NECAP2: variants seen among roughly 807,000 people sequenced by gnomAD.
NECAP2 encodes the protein adaptin ear-binding coat-associated protein 2.
In NECAP2, 38 loss-of-function variants were observed where a neutral mutation model predicts 37.8. That is an observed-to-expected ratio of 1.01 (90% confidence interval 0.78 to 1.32). NECAP2 has a LOEUF of 1.32. NECAP2 is among the 40% of genes most tolerant of loss of function. The probability of loss-of-function intolerance (pLI) is 0.00; values close to 1 mark genes in which losing one functional copy is unlikely to be tolerated. For synonymous variants in NECAP2, 121 were observed against 127.7 expected (o/e 0.95, Z 0.35); for missense variants, 316 against 334.5 (o/e 0.94, Z 0.43).
chr1:16,457,707 G>GGT (rs1174757173), intron 7 of NECAP2, among the ~76,000 whole-genome samples: 18 of 105,454 alleles, frequency 1.7e-4, no homozygotes, highest in African/African-American at 6.5e-4. Flanking sequence ...TAGTAATTCT[G>GGT]TTTTTTTTTT....
At position 16,443,728 on chromosome 1, in the gene NECAP2, G is replaced by A. The variant is rs921918280; in HGVS notation, c.189G>A (p.Thr63=). Residue 63 remains threonine, a synonymous_variant, in exon 2 of 8, where the codon ACG becomes ACA. Coordinates refer to ENST00000337132, the MANE Select transcript of NECAP2 (RefSeq NM_018090.5). ...QMAYIKLEDR[T]SGELFAQAPV... ...CCTACATCAAGCTGGAGGACAGGAC[G>A]TCAGGTAACCGGAAGGGAGGCTGCA... 2.0e-5 allele frequency: 33 copies of A among 1,611,208 alleles called. No homozygotes were observed. Among genetic ancestry groups the A allele is most frequent in the Middle Eastern group, 1.7e-4 (1 of 6,060 alleles).
At chr1:16,446,668 C>T (rs1188394822) in intron 2 of NECAP2, among the ~76,000 whole-genome samples, 3 of 152,104 alleles carry the variant, frequency 2.0e-5, no homozygotes, top group Non-Finnish European at 4.4e-5. Flanking sequence ...CTCAGCCTCC[C>T]AGGGAGCTGG....
In NECAP2 at chr1:16,459,181, C is replaced by T. The variant is rs1020427911; in HGVS notation, c.*291C>T. 5.1e-5 allele frequency: 29 copies of T among 563,634 alleles called. No homozygotes were observed. In the South Asian group the frequency reaches 5.6e-4, roughly 11 times the overall value. The allele number at this position is 563,634 out of a possible 1,614,324, so 34.9% of individuals were successfully genotyped here. A position where few individuals can be genotyped will look rare whatever the true frequency, so the allele number is the denominator to read the frequency against. On this transcript the variant is annotated 3_prime_UTR_variant, in exon 8 of 8. Coordinates refer to ENST00000337132, the MANE Select transcript of NECAP2 (RefSeq NM_018090.5). Reference sequence around the variant, plus strand: ...AGAGAGACTCTGAGACTTCTTCCATCGCAATGACCTGTATTAAACACAAGC... The same window carrying T: ...AGAGAGACTCTGAGACTTCTTCCATTGCAATGACCTGTATTAAACACAAGC...
Position 16,459,064 on chromosome 1 carries a change from T to G in NECAP2, c.*174T>G. 1 of 1,440,650 alleles carries G rather than the reference T, an allele frequency of 6.9e-7. No homozygotes were observed. Among genetic ancestry groups the G allele is most frequent in the South Asian group, 1.3e-5 (1 of 74,838 alleles). 89.2% of individuals were successfully genotyped at this position (1,440,650 alleles called of 1,614,324 possible). A position where few individuals can be genotyped will look rare whatever the true frequency, so the allele number is the denominator to read the frequency against. On this transcript the variant is annotated 3_prime_UTR_variant, in exon 8 of 8. Transcript: ENST00000337132. Reference sequence around the variant, plus strand: ...CATGTTTGGCAGTAAATTGGCACCGTGTCACACTGTTTCCTGGGATTCAAG... The same window carrying G: ...CATGTTTGGCAGTAAATTGGCACCGGGTCACACTGTTTCCTGGGATTCAAG...
At chr1:16,451,412 A>G (rs1244751431) in intron 5 of NECAP2, 1 of 162,746 alleles carries the variant, frequency 6.1e-6, no homozygotes, top group African/African-American at 2.4e-5. Context: ...GGAACTGCGG[A>G]GTCATAAGTT....
chr1:16,450,263 G>C, intron 5 of NECAP2: 1 of 365,680 alleles, frequency 2.7e-6, no homozygotes, highest in Non-Finnish European at 5.3e-6. Context: ...TTTTTGTTTT[G>C]TTTTGTTTTT....
intron 1 of NECAP2, among the ~76,000 whole-genome samples, chr1:16,442,282 A>C (rs377266176): frequency 4.0e-5 from 6 of 151,742 alleles, no homozygotes; most frequent in Non-Finnish European, 8.8e-5. Context: ...CCGGCCCCCT[A>C]TTGGGTCTTT....
intron 2 of NECAP2, among the ~76,000 whole-genome samples, chr1:16,446,641 GT>G (rs2086767920): frequency 6.6e-6 from 1 of 152,030 alleles, no homozygotes; most frequent in South Asian, 2.1e-4. Flanking sequence ...AACTCCTGGG[GT>G]CAGGGATCCT....
At chr1:16,443,454 G>A (rs12064256) in intron 1 of NECAP2, among the ~76,000 whole-genome samples, 178 bp from the exon 2 acceptor site, 13,220 of 152,250 alleles carry the variant, frequency 0.087, 677 homozygotes, top group African/African-American at 0.13. Flanking sequence ...TACAGCAGCC[G>A]AGCTGCCTTG....
Position 16,459,208 on chromosome 1 carries a change from C to T in NECAP2, c.*318C>T. ...CAATGACCTGTATTAAACACAAGCC[C>T]CCCAAGCAAAAGAAGAGGTTGAGTT... On this transcript the variant is annotated 3_prime_UTR_variant, in exon 8 of 8. Transcript: ENST00000337132. 2.5e-6 allele frequency: 1 copy of T among 407,292 alleles called. No individual in the cohort carries two copies. Among genetic ancestry groups the T allele is most frequent in the Non-Finnish European group, 4.3e-6 (1 of 231,170 alleles). The allele number at this position is 407,292 out of a possible 1,614,324, so 25.2% of individuals were successfully genotyped here. A position where few individuals can be genotyped will look rare whatever the true frequency, so the allele number is the denominator to read the frequency against.
At chr1:16,446,618 C>A (rs1297211783) in intron 2 of NECAP2, among the ~76,000 whole-genome samples, 1 of 151,826 alleles carries the variant, frequency 6.6e-6, no homozygotes, top group African/African-American at 2.4e-5. Context: ...AATCTCAGCT[C>A]ACTGCAGCCT....
At chr1:16,456,696 A>C (rs972417977) in intron 7 of NECAP2, among the ~76,000 whole-genome samples, 2 of 152,268 alleles carry the variant, frequency 1.3e-5, no homozygotes, top group East Asian at 3.9e-4. Context: ...TATTATTTAC[A>C]TGGACAGATT....
chr1:16,444,595 A>G (rs2086734189), intron 2 of NECAP2, among the ~76,000 whole-genome samples: 2 of 152,154 alleles, frequency 1.3e-5, no homozygotes. Context: ...GTTGGAGAAT[A>G]GGAAGTGAGC....
chr1:16,451,825 C>T lies in NECAP2; in HGVS notation c.490-13C>T. ...GCAGAACGGGCTGATTTGCATTCCT[C>T]TTCCCTCTTTAGAACATGAAGAAGA... On this transcript the variant is annotated splice_polypyrimidine_tract_variant and intron_variant, in intron 5 of 7. Coordinates refer to ENST00000337132, the MANE Select transcript of NECAP2 (RefSeq NM_018090.5). The T allele has an allele frequency of 6.2e-7, 1 of 1,614,086 alleles. No individual in the cohort carries two copies. The highest frequency in any genetic ancestry group is 1.1e-5 in the South Asian group (1 of 91,078).
intron 1 of NECAP2, among the ~76,000 whole-genome samples, chr1:16,442,805 C>T (rs1008949976): frequency 1.3e-5 from 2 of 151,910 alleles, no homozygotes; most frequent in Admixed American, 6.6e-5. Context: ...ACCTGTAGTC[C>T]CAGCTACTCA....
intron 7 of NECAP2, among the ~76,000 whole-genome samples, chr1:16,457,112 T>C (rs2086932535): frequency 6.6e-6 from 1 of 152,190 alleles, no homozygotes; most frequent in Non-Finnish European, 1.5e-5. Context: ...CCACAGACAA[T>C]ATGTAAATAA....
intron 2 of NECAP2, among the ~76,000 whole-genome samples, chr1:16,444,871 G>A (rs2086736967): frequency 6.6e-6 from 1 of 152,154 alleles, no homozygotes; most frequent in Non-Finnish European, 1.5e-5. Flanking sequence ...CACCCAGGCT[G>A]GAGTGCAGTG....
chr1:16,445,482 C>T (rs929844789), intron 2 of NECAP2, among the ~76,000 whole-genome samples: 1 of 152,188 alleles, frequency 6.6e-6, no homozygotes, highest in African/African-American at 2.4e-5. Flanking sequence ...AGCAAAATCA[C>T]CCCTGATTGA....
Position 16,458,980 on chromosome 1 carries a change from C to T in NECAP2, c.*90C>T. On this transcript the variant is annotated 3_prime_UTR_variant, in exon 8 of 8. Coordinates refer to ENST00000337132, the MANE Select transcript of NECAP2 (RefSeq NM_018090.5). Reference sequence around the variant, plus strand: ...GAGGACGAAGCCCTCCTCAGCTGGCCTGTGTTTGGGGCATGAATCTCTCCT... The same window carrying T: ...GAGGACGAAGCCCTCCTCAGCTGGCTTGTGTTTGGGGCATGAATCTCTCCT... 3 of 1,607,952 alleles carry T rather than the reference C, an allele frequency of 1.9e-6. No individual in the cohort carries two copies. Among genetic ancestry groups the T allele is most frequent in the Non-Finnish European group, 2.5e-6 (3 of 1,177,222 alleles).
Sources: allele counts gnomAD v4.1 joint callset (sites outside exome capture counted in the v4.1 genomes callset), GRCh38; gene constraint gnomAD v4.1.1; transcripts MANE v1.5; gene names NCBI Gene and HGNC (gene_info 2026-07-23, HGNC 2026-07-21).